RFTN1: variants seen among roughly 807,000 people sequenced by gnomAD.
The protein encoded by RFTN1 is raftlin.
Under a neutral mutation model 46.5 loss-of-function variants are expected in RFTN1, and 26 were observed. The ratio of observed to expected loss-of-function variants is 0.56; its 90% confidence interval spans 0.41 to 0.78. RFTN1 has a LOEUF of 0.78. RFTN1 is among the 30% of genes least tolerant of loss of function. RFTN1 has a pLI of 0.00. For missense variants in RFTN1, 693 were observed against 718.7 expected (o/e 0.96, Z 0.41); for synonymous variants, 261 against 284.2 (o/e 0.92, Z 0.82).
intron 8 of RFTN1, among the ~76,000 whole-genome samples, chr3:16,325,521 C>G (rs2069604280): frequency 6.6e-6 from 1 of 152,208 alleles, no homozygotes; most frequent in African/African-American, 2.4e-5. Flanking sequence ...CTCAGAGAAG[C>G]TATGTCACTT....
intron 4 of RFTN1, among the ~76,000 whole-genome samples, chr3:16,399,856 C>T (rs1473453528): frequency 1.3e-5 from 2 of 152,198 alleles, no homozygotes; most frequent in Admixed American, 1.3e-4. Context: ...CTCGTTACCC[C>T]ATCCAGAAGC....
At chr3:16,403,860 ATAT>A (rs1203846529) in intron 4 of RFTN1, among the ~76,000 whole-genome samples, 70 of 2,072 alleles carry the variant, frequency 0.034, 8 homozygotes, top group South Asian at 0.11. Flanking sequence ...TATTTTATAT[ATAT>A]TATATTATAT....
rs994950719 is a variant in RFTN1 at position 16,402,572 on chromosome 3, T to C, written c.441+6803A>G. On this transcript the variant is annotated intron_variant, in intron 4 of 9. Transcript: ENST00000334133. This position sits in a 1 kb window ranked among gnomAD's most constrained non-coding sequence, Gnocchi z 4.5. ...CATCTTACCCTAATTAAAATTAGAC[T>C]CTCTGCACCGCACTTGTAGAAATGA... Among the ~76,000 whole-genome samples, 1 of 152,188 alleles carries C rather than the reference T, an allele frequency of 6.6e-6. No homozygotes were observed. The highest frequency in any genetic ancestry group is 2.4e-5 in the African/African-American group (1 of 41,444).
rs992987935 is a variant in RFTN1 at position 16,329,577 on chromosome 3, G to A, written c.1147-2701C>T. ...CCTCCCTTCCAGACCAGCACAGCCC[G>A]TATTCCTCCTGCTGGGTGCCACGCT... On this transcript the variant is annotated intron_variant, in intron 7 of 9. Transcript: ENST00000334133. The surrounding 1 kb of genome is among the most constrained non-coding windows in gnomAD (Gnocchi z 4.5). Among the ~76,000 whole-genome samples the A allele has an allele frequency of 8.5e-5, 13 of 152,108 alleles. No homozygotes were observed. The highest frequency in any genetic ancestry group is 2.7e-4 in the African/African-American group (11 of 41,416).
At chr3:16,354,765 C>T (rs34888646) in intron 7 of RFTN1, among the ~76,000 whole-genome samples, 34,190 of 152,182 alleles carry the variant, frequency 0.22, 4,047 homozygotes, top group Middle Eastern at 0.29. Flanking sequence ...TTACAAACTC[C>T]ATTTTCAGTT....
At chr3:16,469,233 A>G (rs144539428) in intron 2 of RFTN1, among the ~76,000 whole-genome samples, 1 of 152,376 alleles carries the variant, frequency 6.6e-6, no homozygotes, top group Non-Finnish European at 1.5e-5. Flanking sequence ...ATCATAGTAT[A>G]TACTTCACTG....
Position 16,335,377 on chromosome 3 carries a change from TAAG to T in RFTN1, c.1147-8504_1147-8502del, listed in dbSNP as rs1291429239. Reference sequence around the variant, plus strand: ...GACAATCCTGCATGGGAAACAGGCTTAAGAAGGGAGTTTGTACCACATTTTCTT... The same window carrying T: ...GACAATCCTGCATGGGAAACAGGCTTAAGGGAGTTTGTACCACATTTTCTT... On this transcript the variant is annotated intron_variant, in intron 7 of 9. Coordinates refer to ENST00000334133, the MANE Select transcript of RFTN1 (RefSeq NM_015150.2). The surrounding 1 kb of genome is among the most constrained non-coding windows in gnomAD (Gnocchi z 4.7). 6.6e-6 allele frequency among the ~76,000 whole-genome samples: 1 copy of T among 152,146 alleles called. No homozygotes were observed. Among genetic ancestry groups the T allele is most frequent in the Non-Finnish European group, 1.5e-5 (1 of 68,038 alleles).
intron 2 of RFTN1, among the ~76,000 whole-genome samples, chr3:16,487,214 G>C (rs1024474530): frequency 6.6e-6 from 1 of 152,204 alleles, no homozygotes; most frequent in Admixed American, 6.5e-5. Context: ...CTCCTGTCTA[G>C]TTCACCCAAA....
At position 16,383,416 on chromosome 3, in the gene RFTN1, A is replaced by G. The variant is rs1448311121; in HGVS notation, c.442-5314T>C. On this transcript the variant is annotated intron_variant, in intron 4 of 9. Coordinates refer to ENST00000334133, the MANE Select transcript of RFTN1 (RefSeq NM_015150.2). This position sits in a 1 kb window ranked among gnomAD's most constrained non-coding sequence, Gnocchi z 4.0. ...TTCACTCAGTTGCTCTATAATAAGT[A>G]AGGACATGCTCCACTGTAACTATAA... is the stretch of plus-strand genomic sequence containing the variant. Among the ~76,000 whole-genome samples, 1 of 152,250 alleles carries G rather than the reference A, an allele frequency of 6.6e-6. No homozygotes were observed. Among genetic ancestry groups the G allele is most frequent in the Admixed American group, 6.5e-5 (1 of 15,286 alleles).
chr3:16,403,309 C>G (rs892508869), intron 4 of RFTN1, among the ~76,000 whole-genome samples: 2 of 151,700 alleles, frequency 1.3e-5, no homozygotes, highest in East Asian at 1.9e-4. Flanking sequence ...TCAGTCCTGC[C>G]ATGCACAGTT....
intron 6 of RFTN1, among the ~76,000 whole-genome samples, chr3:16,360,051 T>C (rs1375779745): frequency 1.3e-5 from 2 of 152,202 alleles, no homozygotes; most frequent in African/African-American, 2.4e-5. Context: ...TTAATATTTT[T>C]ATATATAAAA....
intron 6 of RFTN1, among the ~76,000 whole-genome samples, chr3:16,368,920 T>A (rs1575153842): frequency 6.6e-6 from 1 of 152,220 alleles, no homozygotes; most frequent in East Asian, 1.9e-4. Context: ...GCACTTCTAT[T>A]GGACAGCCCT....
intron 3 of RFTN1, among the ~76,000 whole-genome samples, chr3:16,430,509 C>T (rs1405619932): frequency 6.6e-6 from 1 of 152,064 alleles, no homozygotes; most frequent in African/African-American, 2.4e-5. Context: ...AGAGAAAATT[C>T]CTGTACTTTA....
chr3:16,496,578 T>A (rs988157573), intron 1 of RFTN1, among the ~76,000 whole-genome samples: 1 of 152,102 alleles, frequency 6.6e-6, no homozygotes, highest in South Asian at 2.1e-4. Context: ...AAACTGATAA[T>A]ACCAAATGTT....
chr3:16,488,388 T>G (rs1012120609), intron 2 of RFTN1, among the ~76,000 whole-genome samples: 1 of 152,184 alleles, frequency 6.6e-6, no homozygotes, highest in African/African-American at 2.4e-5. Context: ...CGTGAGCCAC[T>G]GCACCCAGCT....
In RFTN1 at chr3:16,398,244, C is replaced by CAAAAAA. The variant is rs202032095; in HGVS notation, c.441+11125_441+11130dup. On this transcript the variant is annotated intron_variant, in intron 4 of 9. Transcript: ENST00000334133. The stretch of plus-strand genomic sequence containing the variant: ...CCTGGGTGACAGAGAAAGACTGTCT[C>CAAAAAA]AAAAAAAAAAAAAAAAAAAAAAAAA... 7.6e-4 allele frequency among the ~76,000 whole-genome samples: 84 copies of CAAAAAA among 110,866 alleles called. 1 individual carries two copies. The highest frequency in any genetic ancestry group is 1.1e-3 in the Non-Finnish European group (54 of 47,814). The allele number at this position is 110,866 out of a possible 152,430, so 72.7% of individuals were successfully genotyped here. A position where few individuals can be genotyped will look rare whatever the true frequency, so the allele number is the denominator to read the frequency against.
In RFTN1 at chr3:16,317,159, CT is replaced by C; in HGVS notation, c.1405del (p.Arg469GlufsTer13). The C allele has an allele frequency of 6.2e-7, 1 of 1,613,710 alleles. No homozygotes were observed. The highest frequency in any genetic ancestry group is 8.5e-7 in the Non-Finnish European group (1 of 1,179,994). On this transcript the variant is annotated frameshift_variant, in exon 10 of 10. Transcript: ENST00000334133. LOFTEE classifies it low-confidence loss of function (END_TRUNC). The surrounding 1 kb of genome is among the most constrained non-coding windows in gnomAD (Gnocchi z 4.3). ...ATTTTCTTCTGCTTGTTGTTTGTCT[CT>C]GGCACTGAGTTTACCTTTTGATTTC... ...MRKSKGKLSA[R>X]DKQQAEENEK... is the part of the protein sequence containing the mutation.
At chr3:16,392,571 A>G (rs1166438053) in intron 4 of RFTN1, among the ~76,000 whole-genome samples, 1 of 151,126 alleles carries the variant, frequency 6.6e-6, no homozygotes, top group East Asian at 1.9e-4. Flanking sequence ...AAAAGTTTAC[A>G]TATATAAATA....
intron 2 of RFTN1, among the ~76,000 whole-genome samples, chr3:16,441,299 T>TAAAAAAAAAAAAA (rs59877269): frequency 1.1e-4 from 5 of 47,548 alleles, no homozygotes; most frequent in East Asian, 1.0e-3. Flanking sequence ...TTCCAAGAAC[T>TAAAAAAAAAAAAA]AAAAAAAAAA....
Sources: allele counts gnomAD v4.1 joint callset (sites outside exome capture counted in the v4.1 genomes callset), GRCh38; gene constraint gnomAD v4.1.1; non-coding constraint Gnocchi (gnomAD v3.1); transcripts MANE v1.5; gene names NCBI Gene and HGNC (gene_info 2026-07-23, HGNC 2026-07-21).